The following FLNB variants were observed in gnomAD, a reference collection of about 807,000 sequenced individuals.
FLNB encodes filamin-B.
A neutral mutation model predicts 250.6 loss-of-function variants in FLNB; 111 were observed. The ratio of observed to expected loss-of-function variants is 0.44; its 90% CI spans 0.38 to 0.52. FLNB has a LOEUF of 0.52. FLNB is among the 20% of genes least tolerant of loss of function. The pLI is 0.00. For synonymous variants in FLNB, 1,302 were observed against 1,372.1 expected, an observed-to-expected ratio of 0.95 and a Z score of 1.13; for missense variants, 2,869 against 3,447.8, an observed-to-expected ratio of 0.83 and a Z score of 4.20.
chr3:58,074,834 T>G (rs879370211), intron 1 of FLNB, among the ~76,000 whole-genome samples: 1 of 152,210 alleles, frequency 6.6e-6, no homozygotes, highest in Non-Finnish European at 1.5e-5. Flanking sequence ...ACCTTAACTT[T>G]GAGTGAGGAT....
chr3:58,090,908 C>G lies in FLNB; in HGVS notation c.788-3928C>G, dbSNP rs141096700. 4.5e-3 allele frequency among the ~76,000 whole-genome samples: 684 copies of G among 152,056 alleles called. 7 individuals carry two copies. The highest frequency in any genetic ancestry group is 0.015 in the African/African-American group (641 of 41,492). ...CCTGGCTAACACGGTGAAACCCTGT[C>G]TCTACTAAAAATACAAAAAATTAGC... On this transcript the variant is annotated intron_variant, in intron 4 of 45. Transcript: ENST00000295956.
intron 32 of FLNB, among the ~76,000 whole-genome samples, chr3:58,144,065 C>T (rs2097331794): frequency 6.6e-6 from 1 of 152,164 alleles, no homozygotes; most frequent in Non-Finnish European, 1.5e-5. Flanking sequence ...GGGTCACCAA[C>T]CAGCACAGTG....
intron 1 of FLNB, among the ~76,000 whole-genome samples, chr3:58,033,532 C>T (rs1364853901): frequency 6.6e-6 from 1 of 152,116 alleles, no homozygotes; most frequent in East Asian, 1.9e-4. Flanking sequence ...GCAGGGATTA[C>T]AGGCACATGC....
chr3:58,167,072 A>G (rs2885645), intron 43 of FLNB, among the ~76,000 whole-genome samples: 107,954 of 151,900 alleles, frequency 0.71, 39,328 homozygotes, highest in East Asian at 1. Flanking sequence ...AGGTTGCAAT[A>G]AGCCAAGATC....
chr3:58,145,965 G>T lies in FLNB; in HGVS notation c.5470G>T (p.Val1824Phe). 6.2e-7 allele frequency: 1 copy of T among 1,614,202 alleles called. No homozygotes were observed. The highest frequency in any genetic ancestry group is 8.5e-7 in the Non-Finnish European group (1 of 1,180,030). The change falls in exon 33 of 46, where the codon GTT becomes TTT. Residue 1824 changes from valine (V) to phenylalanine (F), a missense_variant. Physicochemically the swap from Val to Phe is conservative, Grantham distance 50 (BLOSUM62 -1). Transcript: ENST00000295956. ...FYVNYPNSGS[V>F]SAYGPGLVYG... ...CGTGAACTACCCCAACAGTGGAAGT[G>T]TTTCTGCATACGGTCCAGGCCTCGT...
chr3:58,170,921 G>T lies in FLNB; in HGVS notation c.*159G>T. On this transcript the variant is annotated 3_prime_UTR_variant, in exon 46 of 46. Coordinates refer to ENST00000295956, the MANE Select transcript of FLNB (RefSeq NM_001457.4). The stretch of plus-strand genomic sequence containing the variant: ...GCCTTCAGAAATAAGTCCTAGACTG[G>T]ACTCTTGAGGGACATATTGGAGAAT... 1 of 669,392 alleles carries T rather than the reference G, an allele frequency of 1.5e-6. No individual in the cohort carries two copies. Among genetic ancestry groups the T allele is most frequent in the Non-Finnish European group, 2.6e-6 (1 of 384,934 alleles). 41.5% of individuals were successfully genotyped at this position (669,392 alleles called of 1,614,324 possible). A position where few individuals can be genotyped will look rare whatever the true frequency, so the allele number is the denominator to read the frequency against.
chr3:58,112,364 C>G (rs370139777), intron 18 of FLNB, 46 bp downstream of exon 18: 19 of 1,578,828 alleles, frequency 1.2e-5, no homozygotes, highest in African/African-American at 5.4e-5. Flanking sequence ...AGCCAGGCCC[C>G]TTTCTATGCA....
At chr3:58,116,189 C>G (rs991943160) in intron 18 of FLNB, among the ~76,000 whole-genome samples, 2 of 152,148 alleles carry the variant, frequency 1.3e-5, no homozygotes, top group African/African-American at 2.4e-5. Flanking sequence ...GCTAAAAGCT[C>G]AAGACTGGGC....
At chr3:58,113,806 G>A (rs1475079074) in intron 18 of FLNB, among the ~76,000 whole-genome samples, 1 of 152,142 alleles carries the variant, frequency 6.6e-6, no homozygotes, top group Non-Finnish European at 1.5e-5. Context: ...AGCCTCCCGA[G>A]CAGGTGGGAT....
chr3:58,027,992 G>C (rs2097125756), intron 1 of FLNB, among the ~76,000 whole-genome samples: 1 of 152,220 alleles, frequency 6.6e-6, no homozygotes, highest in Non-Finnish European at 1.5e-5. Flanking sequence ...AGATGGAGAG[G>C]TGTTGAAGGT....
chr3:58,078,898 G>A (rs903590745), intron 3 of FLNB, 84 bp downstream of exon 3: 12 of 941,464 alleles, frequency 1.3e-5, no homozygotes, highest in Admixed American at 4.0e-5. Context: ...CAGGCAGCCC[G>A]ACCTTCTTGG....
intron 26 of FLNB, among the ~76,000 whole-genome samples, chr3:58,133,458 A>G (rs1442190422): frequency 1.3e-5 from 2 of 151,078 alleles, no homozygotes; most frequent in African/African-American, 4.8e-5. Context: ...AAAAAAAAAA[A>G]AAAAAAAGCA....
intron 1 of FLNB, among the ~76,000 whole-genome samples, chr3:58,059,387 G>A (rs1322028569): frequency 6.6e-6 from 1 of 152,206 alleles, no homozygotes; most frequent in African/African-American, 2.4e-5. Flanking sequence ...AGCCTTGTCT[G>A]TGAGTGTGGT....
chr3:58,052,699 C>T (rs1464722970), intron 1 of FLNB, among the ~76,000 whole-genome samples: 1 of 152,272 alleles, frequency 6.6e-6, no homozygotes, highest in Non-Finnish European at 1.5e-5. Context: ...GGCTGATGGC[C>T]GAGGTGTGTG....
intron 1 of FLNB, among the ~76,000 whole-genome samples, chr3:58,046,138 C>A (rs984502653): frequency 1.3e-5 from 2 of 151,934 alleles, no homozygotes; most frequent in Admixed American, 6.6e-5. Context: ...GAGGGACAGG[C>A]CCTGATCAAG....
rs111996979 is a variant in FLNB, at chr3:58,097,874, C to A, written c.1044C>A (p.Asp348Glu). 6.2e-7 allele frequency: 1 copy of A among 1,614,122 alleles called. No individual in the cohort carries two copies. Residue 348 changes from aspartate (D) to glutamate (E), a missense_variant, in exon 7 of 46, where the codon GAC (aspartate) becomes GAA (glutamate). Coordinates refer to ENST00000295956, the MANE Select transcript of FLNB (RefSeq NM_001457.4). ...AGAGCCCATTTGAAGTGAGTGTTGACAAGGCCCAGGGAGATGCCAGTAAAG... is the reference window on the plus strand; with the variant it reads ...AGAGCCCATTTGAAGTGAGTGTTGAAAAGGCCCAGGGAGATGCCAGTAAAG... Reference protein sequence around the residue: ...ISKSPFEVSVDKAQGDASKVT... With the variant: ...ISKSPFEVSVEKAQGDASKVT...
intron 29 of FLNB, among the ~76,000 whole-genome samples, chr3:58,140,817 C>G (rs888901160): frequency 2.0e-5 from 3 of 152,174 alleles, no homozygotes; most frequent in Non-Finnish European, 4.4e-5. Flanking sequence ...CCATGTTGGC[C>G]AGGCTGGTAA....
At chr3:58,109,061 C>T in intron 13 of FLNB, 118 bp from the exon 14 acceptor site, 1 of 1,155,086 alleles carries the variant, frequency 8.7e-7, no homozygotes, top group Non-Finnish European at 1.3e-6. Flanking sequence ...GTAGTTGGTC[C>T]ATGAAGTTTT....
chr3:58,067,565 C>CAAA (rs1246538304), intron 1 of FLNB, among the ~76,000 whole-genome samples: 2 of 149,486 alleles, frequency 1.3e-5, no homozygotes, highest in Admixed American at 1.3e-4. Context: ...ACCACTGTAA[C>CAAA]AAAGAGGTTT....
Sources: gnomAD v4.1 joint callset for allele counts (sites outside exome capture counted in the v4.1 genomes callset) on GRCh38, gnomAD v4.1.1 for gene constraint, MANE v1.5 for transcripts, NCBI Gene and HGNC (gene_info 2026-07-23, HGNC 2026-07-21) for gene names.